KCMF1: variants seen among roughly 807,000 people sequenced by gnomAD.
KCMF1 encodes the protein E3 ubiquitin-protein ligase KCMF1.
Under a neutral mutation model 41.1 loss-of-function variants are expected in KCMF1, and 3 were observed. That is an observed-to-expected ratio of 0.07 (90% CI 0.03 to 0.19). The LOEUF is 0.19. Among genes scored for constraint, KCMF1 ranks in the 10% least tolerant of loss-of-function variants. The pLI is 1.00. For missense variants in KCMF1, 286 were observed against 488.9 expected, an observed-to-expected ratio of 0.58 and a Z score of 3.91; for synonymous variants, 142 against 164.5, an observed-to-expected ratio of 0.86 and a Z score of 1.04.
Position 85,038,728 on chromosome 2 carries a change from C to T in KCMF1, c.324+3573C>T, listed in dbSNP as rs183047921. Among the ~76,000 whole-genome samples, 309 of 152,138 alleles carry T rather than the reference C, an allele frequency of 2.0e-3. 1 individual carries two copies. Among genetic ancestry groups the T allele is most frequent in the Non-Finnish European group, 1.2e-3 (82 of 68,000 alleles). On this transcript the variant is annotated intron_variant, in intron 3 of 6. Transcript: ENST00000409785. ...GGGTCATCACTCTTCTGTGGAAAAACTGTTTTAAACCCCATTCCCCCCATT... is the reference window on the plus strand; with the variant it reads ...GGGTCATCACTCTTCTGTGGAAAAATTGTTTTAAACCCCATTCCCCCCATT...
rs563718070 is a variant in KCMF1, at chr2:85,006,462, G to A, written c.17-21427G>A. On this transcript the variant is annotated intron_variant, in intron 1 of 6. Transcript: ENST00000409785. ...ACTACAGGCGCCCGCCACCATGCCC[G>A]GCTAATTTTTTGTATTTTTAGTAGA... Among the ~76,000 whole-genome samples, 102 of 151,448 alleles carry A rather than the reference G, an allele frequency of 6.7e-4. 1 individual carries two copies. Among genetic ancestry groups the A allele is most frequent in the East Asian group, 2.0e-3 (10 of 5,084 alleles).
At chr2:85,038,597 T>TTTC (rs146981605) in intron 3 of KCMF1, among the ~76,000 whole-genome samples, 1,628 of 152,304 alleles carry the variant, frequency 0.011, 25 homozygotes, top group African/African-American at 0.036. Context: ...GTAGAATGTC[T>TTTC]TTCTTCTTCT....
Position 85,053,637 on chromosome 2 carries a change from C to T in KCMF1, c.*228C>T. 1 of 476,236 alleles carries T rather than the reference C, an allele frequency of 2.1e-6. No individual in the cohort carries two copies. Among genetic ancestry groups the T allele is most frequent in the Non-Finnish European group, 3.7e-6 (1 of 270,794 alleles). 29.5% of individuals were successfully genotyped at this position (476,236 alleles called of 1,614,324 possible). On this transcript the variant is annotated 3_prime_UTR_variant, in exon 7 of 7. Coordinates refer to ENST00000409785, the MANE Select transcript of KCMF1 (RefSeq NM_020122.5). ...AGCAGTGCAGGGGTGATCTCTGCTT[C>T]CTGTACCTTGACATGCAAAAGGCTC...
intron 1 of KCMF1, among the ~76,000 whole-genome samples, chr2:85,002,343 G>A (rs779432281): frequency 4.6e-5 from 7 of 152,126 alleles, no homozygotes; most frequent in East Asian, 1.9e-4. Context: ...CGCATGCATT[G>A]ACAGAGCATT....
chr2:85,035,263 A>G (rs1316136571), intron 3 of KCMF1, 108 bp downstream of exon 3: 20 of 952,748 alleles, frequency 2.1e-5, no homozygotes, highest in Non-Finnish European at 3.0e-5. Context: ...GTGTAATGAT[A>G]CCGTTTGCAT....
At chr2:85,008,361 ATTATATATCATATGATATATTAT>A (rs1362683755) in intron 1 of KCMF1, among the ~76,000 whole-genome samples, 242 of 22,246 alleles carry the variant, frequency 0.011, no homozygotes, top group Middle Eastern at 0.067. Flanking sequence ...TATAATATAT[ATTATATATCATATGATATATTAT>A]ATATGATATA....
chr2:85,003,182 T>G (rs962406259), intron 1 of KCMF1, among the ~76,000 whole-genome samples: 1 of 152,188 alleles, frequency 6.6e-6, no homozygotes, highest in Non-Finnish European at 1.5e-5. Context: ...CTTTTAAAAT[T>G]CATCTTGTTG....
At chr2:85,027,807 A>G (rs1675150538) in intron 1 of KCMF1, 82 bp from the exon 2 acceptor site, 4 of 817,590 alleles carry the variant, frequency 4.9e-6, no homozygotes, top group Non-Finnish European at 7.7e-6. Flanking sequence ...ATGAGGTTAA[A>G]TGAGCACCTG....
chr2:85,032,367 T>C (rs1675298361), intron 2 of KCMF1, among the ~76,000 whole-genome samples: 1 of 151,272 alleles, frequency 6.6e-6, no homozygotes, highest in Admixed American at 6.6e-5. Context: ...TATTTTATTT[T>C]ATTTTTATTT....
intron 1 of KCMF1, among the ~76,000 whole-genome samples, chr2:85,008,870 TC>T (rs1477221180): frequency 6.6e-6 from 1 of 151,482 alleles, no homozygotes; most frequent in Non-Finnish European, 1.5e-5. Flanking sequence ...GCTCAGGCAG[TC>T]CTCCCCCGCT....
Position 85,049,518 on chromosome 2 carries a change from C to T in KCMF1, c.754C>T (p.Arg252Cys), listed in dbSNP as rs751459408. The change falls in exon 6 of 7, where the codon CGC becomes TGC. Residue 252 changes from arginine (R) to cysteine (C), a missense_variant. Arg to Cys is a radical substitution (Grantham distance 180, BLOSUM62 -3). This residue lies in a region of KCMF1 where 191 missense variants were observed against 279.3 expected (regional missense o/e 0.68). Coordinates refer to ENST00000409785, the MANE Select transcript of KCMF1 (RefSeq NM_020122.5). ...QAARQQLETA[R>C]NATRRTNTSS... ...AGCACGGCAACAACTGGAGACCGCACGCAACGCAACCCGGCGTACTAACAC... is the reference window on the plus strand; with the variant it reads ...AGCACGGCAACAACTGGAGACCGCATGCAACGCAACCCGGCGTACTAACAC... 8.1e-6 allele frequency: 13 copies of T among 1,614,006 alleles called. No homozygotes were observed. The highest frequency in any genetic ancestry group is 1.7e-5 in the Admixed American group (1 of 60,018).
At chr2:85,014,575 A>C (rs1674720884) in intron 1 of KCMF1, among the ~76,000 whole-genome samples, 1 of 151,462 alleles carries the variant, frequency 6.6e-6, no homozygotes, top group Admixed American at 6.6e-5. Context: ...GTTGGAGCCT[A>C]AACCAAGCTC....
At chr2:84,975,861 A>G (rs1673532056) in intron 1 of KCMF1, among the ~76,000 whole-genome samples, 1 of 152,228 alleles carries the variant, frequency 6.6e-6, no homozygotes, top group Non-Finnish European at 1.5e-5. Context: ...GCTAAAATGA[A>G]ATCATGAATG....
At chr2:85,010,548 A>C (rs1308972451) in intron 1 of KCMF1, among the ~76,000 whole-genome samples, 1 of 152,182 alleles carries the variant, frequency 6.6e-6, no homozygotes, top group African/African-American at 2.4e-5. Context: ...GTGCACCACT[A>C]TCCAGTGCAG....
At chr2:84,979,466 G>T (rs1275584661) in intron 1 of KCMF1, among the ~76,000 whole-genome samples, 1 of 151,030 alleles carries the variant, frequency 6.6e-6, no homozygotes, top group Non-Finnish European at 1.5e-5. Context: ...GGAGGTTGCA[G>T]TGAGCTGAGA....
chr2:84,975,181 G>GCTGAAC, intron 1 of KCMF1, among the ~76,000 whole-genome samples: 1 of 152,106 alleles, frequency 6.6e-6, no homozygotes, highest in East Asian at 1.9e-4. Flanking sequence ...GGTGGAGGTT[G>GCTGAAC]CAGTGAGCTG....
intron 1 of KCMF1, among the ~76,000 whole-genome samples, chr2:84,995,347 A>G (rs1279066575): frequency 6.6e-6 from 1 of 152,150 alleles, no homozygotes; most frequent in East Asian, 1.9e-4. Context: ...TTTTCTTGCT[A>G]TGATAGATAT....
At position 84,971,402 on chromosome 2, in the gene KCMF1, C is replaced by G; in HGVS notation, c.-50C>G. On this transcript the variant is annotated 5_prime_UTR_variant, in exon 1 of 7. Coordinates refer to ENST00000409785, the MANE Select transcript of KCMF1 (RefSeq NM_020122.5). ...GGCAGCGCCGGGACCCCGCGGGGGA[C>G]ACTGCAGCCGGAGCCCGGGAGGGGC... 8.7e-7 allele frequency: 1 copy of G among 1,154,676 alleles called. No homozygotes were observed. The highest frequency in any genetic ancestry group is 4.3e-5 in the Admixed American group (1 of 23,240). 71.5% of individuals were successfully genotyped at this position (1,154,676 alleles called of 1,614,324 possible).
At chr2:85,038,879 C>T (rs1675461616) in intron 3 of KCMF1, among the ~76,000 whole-genome samples, 1 of 152,058 alleles carries the variant, frequency 6.6e-6, no homozygotes, top group South Asian at 2.1e-4. Context: ...ATGAAAAATA[C>T]CAATTTAAAA....
Sources: gnomAD v4.1 joint callset for allele counts (sites outside exome capture counted in the v4.1 genomes callset) on GRCh38, gnomAD v4.1.1 for gene constraint, gnomAD v4.1.1 regional missense constraint, MANE v1.5 for transcripts, NCBI Gene and HGNC (gene_info 2026-07-23, HGNC 2026-07-21) for gene names.